GALNT18: variants seen among roughly 807,000 people sequenced by gnomAD.
The protein encoded by GALNT18 is polypeptide N-acetylgalactosaminyltransferase 18.
Under a neutral mutation model 69.5 loss-of-function variants are expected in GALNT18, and 44 were observed. The ratio of observed to expected loss-of-function variants is 0.63; its 90% CI spans 0.50 to 0.81. The LOEUF (loss-of-function observed/expected upper bound fraction) is 0.81, where lower values mean the gene tolerates loss of function less well. Ranked by LOEUF, GALNT18 falls within the 40% of genes least tolerant of loss-of-function variation. The pLI is 0.00. For missense variants in GALNT18, 715 were observed against 810.0 expected (o/e 0.88, Z 1.42); for synonymous variants, 364 against 318.2 (o/e 1.14, Z -1.53).
chr11:11,323,447 A>G (rs750823978), intron 9 of GALNT18, among the ~76,000 whole-genome samples: 1 of 152,248 alleles, frequency 6.6e-6, no homozygotes, highest in Non-Finnish European at 1.5e-5. Flanking sequence ...GTCAAATTCC[A>G]TTAGCTCTTA....
At chr11:11,525,508 T>A (rs999541805) in intron 1 of GALNT18, among the ~76,000 whole-genome samples, 1 of 151,674 alleles carries the variant, frequency 6.6e-6, no homozygotes, top group African/African-American at 2.4e-5. Flanking sequence ...GAAGAATGAG[T>A]AATACACAGA....
At chr11:11,333,511 C>T (rs1219509382) in intron 7 of GALNT18, among the ~76,000 whole-genome samples, 1 of 152,142 alleles carries the variant, frequency 6.6e-6, no homozygotes, top group African/African-American at 2.4e-5. Flanking sequence ...AACGGTGGAG[C>T]TGAGATTTGA....
intron 3 of GALNT18, among the ~76,000 whole-genome samples, chr11:11,405,151 C>T (rs571035505): frequency 6.6e-6 from 1 of 152,236 alleles, no homozygotes; most frequent in African/African-American, 2.4e-5. Context: ...TTATTTCTCT[C>T]CACTCTGTGC....
intron 9 of GALNT18, among the ~76,000 whole-genome samples, chr11:11,312,887 C>T (rs966392311): frequency 1.3e-5 from 2 of 152,064 alleles, no homozygotes; most frequent in African/African-American, 4.8e-5. Flanking sequence ...CAAGGGGATA[C>T]CTGGAGAATA....
intron 1 of GALNT18, among the ~76,000 whole-genome samples, chr11:11,501,603 G>A (rs968026311): frequency 1.3e-5 from 2 of 152,104 alleles, no homozygotes; most frequent in South Asian, 4.1e-4. Context: ...AAAGCTACTT[G>A]GTTCTCATTC....
intron 6 of GALNT18, among the ~76,000 whole-genome samples, chr11:11,368,863 T>G (rs939298349): frequency 1.3e-5 from 2 of 152,246 alleles, no homozygotes; most frequent in African/African-American, 4.8e-5. Flanking sequence ...TGTTTCCTCT[T>G]GTTGCTTTCT....
At chr11:11,364,555 G>A (rs1047169507) in intron 6 of GALNT18, among the ~76,000 whole-genome samples, 1 of 140,146 alleles carries the variant, frequency 7.1e-6, no homozygotes, top group Non-Finnish European at 1.6e-5. Flanking sequence ...TTACAAGAGG[G>A]GGGGAAAAAG....
chr11:11,363,869 C>T (rs1850696584), intron 6 of GALNT18, among the ~76,000 whole-genome samples: 2 of 151,204 alleles, frequency 1.3e-5, no homozygotes, highest in South Asian at 4.1e-4. Context: ...AGCCTGGAAC[C>T]CTCCTCATGG....
chr11:11,487,548 C>T (rs1444207404), intron 1 of GALNT18, among the ~76,000 whole-genome samples: 1 of 152,228 alleles, frequency 6.6e-6, no homozygotes, highest in Non-Finnish European at 1.5e-5. Context: ...ACTCATTCAT[C>T]TGTGCATCCT....
intron 1 of GALNT18, among the ~76,000 whole-genome samples, chr11:11,552,914 G>A (rs1349874029): frequency 6.6e-6 from 1 of 152,086 alleles, no homozygotes; most frequent in African/African-American, 2.4e-5. Context: ...CCACATTCCT[G>A]AGCCACTCCA....
At chr11:11,457,249 G>T (rs1855944691) in intron 1 of GALNT18, among the ~76,000 whole-genome samples, 1 of 152,216 alleles carries the variant, frequency 6.6e-6, no homozygotes, top group South Asian at 2.1e-4. Context: ...AGTGAAAGGG[G>T]TATTGTAATG....
At chr11:11,508,081 C>T (rs1030081267) in intron 1 of GALNT18, among the ~76,000 whole-genome samples, 1 of 152,142 alleles carries the variant, frequency 6.6e-6, no homozygotes, top group African/African-American at 2.4e-5. Context: ...ATCTAATATA[C>T]ATTCCATGTT....
At position 11,347,559 on chromosome 11, in the gene GALNT18, C is replaced by G. The variant is rs1850324954; in HGVS notation, c.1093-6555G>C. 6.6e-6 allele frequency among the ~76,000 whole-genome samples: 1 copy of G among 152,208 alleles called. No individual in the cohort carries two copies. The highest frequency in any genetic ancestry group is 2.1e-4 in the South Asian group (1 of 4,824). On this transcript the variant is annotated intron_variant, in intron 6 of 10. Transcript: ENST00000227756. This position sits in a 1 kb window ranked among gnomAD's most constrained non-coding sequence, Gnocchi z 4.0. ...TTGGTGGCACTTCAGCCTTGTACTT[C>G]ATAGCCACATCCACAAGATCAGATC...
chr11:11,570,610 CT>C (rs1858770825), intron 1 of GALNT18, among the ~76,000 whole-genome samples: 2 of 152,224 alleles, frequency 1.3e-5, no homozygotes, highest in African/African-American at 4.8e-5. Flanking sequence ...AAAGCTCCCC[CT>C]GGCCACCCCA....
chr11:11,409,785 T>C (rs1417708665), intron 3 of GALNT18, among the ~76,000 whole-genome samples: 1 of 152,202 alleles, frequency 6.6e-6, no homozygotes, highest in African/African-American at 2.4e-5. Context: ...CTGGACCAAG[T>C]CCTGAGTCCC....
intron 1 of GALNT18, among the ~76,000 whole-genome samples, chr11:11,458,394 T>A (rs1191676583): frequency 4.6e-5 from 7 of 152,254 alleles, no homozygotes; most frequent in Admixed American, 1.3e-4. Flanking sequence ...TACAATTCAA[T>A]GATTTTTTTA....
At chr11:11,289,387 A>G (rs1191741766) in intron 10 of GALNT18, among the ~76,000 whole-genome samples, 1 of 152,222 alleles carries the variant, frequency 6.6e-6, no homozygotes, top group Admixed American at 6.5e-5. Flanking sequence ...AAGTAGACAT[A>G]TGCCAAAGTG....
rs1280989822 is a variant in GALNT18 at position 11,564,676 on chromosome 11, C to G, written c.235+56683G>C. ...TTAATACCAACTTATCTATGAAAAC[C>G]CTGCTAACCCAAGAAGTATCCAGCC... On this transcript the variant is annotated intron_variant, in intron 1 of 10. Transcript: ENST00000227756. The surrounding 1 kb of genome is among the most constrained non-coding windows in gnomAD (Gnocchi z 4.3). 6.6e-6 allele frequency among the ~76,000 whole-genome samples: 1 copy of G among 152,112 alleles called. No individual in the cohort carries two copies. The highest frequency in any genetic ancestry group is 1.5e-5 in the Non-Finnish European group (1 of 68,012).
At chr11:11,381,916 T>C (rs575643222) in intron 3 of GALNT18, among the ~76,000 whole-genome samples, 170 of 152,372 alleles carry the variant, frequency 1.1e-3, no homozygotes, top group Middle Eastern at 6.8e-3. Context: ...TTATACACAA[T>C]GGCTGTAATA....
Sources: allele counts gnomAD v4.1 joint callset (sites outside exome capture counted in the v4.1 genomes callset), GRCh38; gene constraint gnomAD v4.1.1; non-coding constraint Gnocchi (gnomAD v3.1); transcripts MANE v1.5; gene names NCBI Gene and HGNC (gene_info 2026-07-23, HGNC 2026-07-21).